The following CNTNAP5 variants were observed in gnomAD, a reference collection of about 807,000 sequenced individuals.
The protein encoded by CNTNAP5 is contactin associated protein family member 5.
In CNTNAP5, 72 loss-of-function variants were observed where a neutral mutation model predicts 150.2. That is an observed-to-expected ratio of 0.48 (90% confidence interval 0.40 to 0.58). The LOEUF (loss-of-function observed/expected upper bound fraction) is 0.58, where lower values mean the gene tolerates loss of function less well. CNTNAP5 is among the 20% of genes least tolerant of loss of function. The pLI, the probability that CNTNAP5 is intolerant of heterozygous loss-of-function variation, is 0.00. For synonymous variants in CNTNAP5, 672 were observed against 619.8 expected, an observed-to-expected ratio of 1.08 and a Z score of -1.25; for missense variants, 1,636 against 1,626.2, an observed-to-expected ratio of 1.01 and a Z score of -0.10.
chr2:124,614,012 A>G (rs1372848637), intron 12 of CNTNAP5, among the ~76,000 whole-genome samples: 2 of 152,186 alleles, frequency 1.3e-5, no homozygotes, highest in African/African-American at 2.4e-5. Flanking sequence ...ATGGATAAGG[A>G]AGTTAAAGAG....
At chr2:124,054,315 C>A (rs1018437607) in intron 1 of CNTNAP5, among the ~76,000 whole-genome samples, 2 of 152,050 alleles carry the variant, frequency 1.3e-5, no homozygotes, top group African/African-American at 4.8e-5. Context: ...ATGCTTATGG[C>A]TTTTAAAGGA....
At chr2:124,605,788 G>A (rs1296137882) in intron 11 of CNTNAP5, among the ~76,000 whole-genome samples, 2 of 126,204 alleles carry the variant, frequency 1.6e-5, no homozygotes, top group African/African-American at 3.1e-5. Flanking sequence ...TTCCAGCCTG[G>A]GTGACCGAGC....
chr2:124,165,525 G>T (rs957479289), intron 1 of CNTNAP5, among the ~76,000 whole-genome samples: 2 of 152,122 alleles, frequency 1.3e-5, no homozygotes, highest in African/African-American at 4.8e-5. Context: ...TTACCAGAAT[G>T]CCTGGCACGC....
At chr2:124,028,745 G>A (rs1680964054) in intron 1 of CNTNAP5, among the ~76,000 whole-genome samples, 1 of 152,064 alleles carries the variant, frequency 6.6e-6, no homozygotes, top group Admixed American at 6.5e-5. Context: ...GAAGAGCTGA[G>A]GAGTTCTAGC....
At chr2:124,605,050 G>A (rs1459351779) in intron 11 of CNTNAP5, among the ~76,000 whole-genome samples, 1 of 152,094 alleles carries the variant, frequency 6.6e-6, no homozygotes, top group Non-Finnish European at 1.5e-5. Context: ...GCAAGCAGAG[G>A]CCTGACAAGT....
intron 3 of CNTNAP5, among the ~76,000 whole-genome samples, chr2:124,332,454 A>C (rs942617557): frequency 6.6e-6 from 1 of 151,380 alleles, no homozygotes; most frequent in Non-Finnish European, 1.5e-5. Flanking sequence ...TACCTCATAG[A>C]ATAACATTTC....
intron 3 of CNTNAP5, among the ~76,000 whole-genome samples, chr2:124,297,180 A>C (rs993068724): frequency 1.3e-5 from 2 of 152,226 alleles, no homozygotes; most frequent in Non-Finnish European, 2.9e-5. Context: ...AATATTAAAA[A>C]GTCCTTTTGG....
At chr2:124,287,132 C>T (rs1235362724) in intron 3 of CNTNAP5, among the ~76,000 whole-genome samples, 4 of 152,188 alleles carry the variant, frequency 2.6e-5, no homozygotes, top group Admixed American at 2.0e-4. Flanking sequence ...GAAATAAAGA[C>T]ACAGCAATGT....
intron 16 of CNTNAP5, among the ~76,000 whole-genome samples, chr2:124,772,338 T>C (rs1406940514): frequency 6.6e-6 from 1 of 152,198 alleles, no homozygotes; most frequent in Non-Finnish European, 1.5e-5. Flanking sequence ...TCTGAGCTTT[T>C]TTCATTATGG....
chr2:124,134,139 A>G (rs546281152), intron 1 of CNTNAP5, among the ~76,000 whole-genome samples: 1 of 152,234 alleles, frequency 6.6e-6, no homozygotes, highest in South Asian at 2.1e-4. Flanking sequence ...ACTCATTTGT[A>G]AAGGCCAAAG....
intron 6 of CNTNAP5, among the ~76,000 whole-genome samples, chr2:124,451,055 T>A (rs375822984): frequency 0.015 from 627 of 42,800 alleles, 1 homozygote; most frequent in African/African-American, 0.031. Flanking sequence ...AAAAAAAATA[T>A]ATATATATAT....
chr2:124,363,844 T>C (rs966182524), intron 3 of CNTNAP5, among the ~76,000 whole-genome samples: 4 of 152,036 alleles, frequency 2.6e-5, no homozygotes, highest in African/African-American at 9.7e-5. Context: ...ATATGTGTAG[T>C]TCTGTGTGTA....
intron 6 of CNTNAP5, among the ~76,000 whole-genome samples, chr2:124,452,236 T>C (rs936203980): frequency 6.6e-6 from 1 of 152,066 alleles, no homozygotes; most frequent in African/African-American, 2.4e-5. Flanking sequence ...CCCTTTGTGT[T>C]GCGTGGGAGC....
intron 19 of CNTNAP5, among the ~76,000 whole-genome samples, chr2:124,802,977 T>C (rs1266883094): frequency 1.3e-5 from 2 of 151,840 alleles, no homozygotes; most frequent in East Asian, 3.9e-4. Flanking sequence ...TAGCCAGGCA[T>C]GGTGGCGGGT....
At position 124,380,908 on chromosome 2, in the gene CNTNAP5, A is replaced by G. The variant is rs77064235; in HGVS notation, c.382-36535A>G. Reference sequence around the variant, plus strand: ...TAGATAATGATATGTGTCACGCAAAAAAGTAAGCTACTAGTTAATATAATA... The same window carrying G: ...TAGATAATGATATGTGTCACGCAAAGAAGTAAGCTACTAGTTAATATAATA... On this transcript the variant is annotated intron_variant, in intron 3 of 23. Transcript: ENST00000682447. 7.5e-3 allele frequency among the ~76,000 whole-genome samples: 1,138 copies of G among 152,284 alleles called. 10 individuals are homozygous for G. The highest frequency in any genetic ancestry group is 0.034 in the East Asian group (178 of 5,168).
At chr2:124,550,558 A>G (rs1431112274) in intron 10 of CNTNAP5, among the ~76,000 whole-genome samples, 2 of 152,164 alleles carry the variant, frequency 1.3e-5, no homozygotes, top group East Asian at 1.9e-4. Context: ...CCGAGGTATC[A>G]TAATCATGAT....
chr2:124,874,395 CTTT>C (rs2104730755), intron 21 of CNTNAP5, among the ~76,000 whole-genome samples: 1 of 152,174 alleles, frequency 6.6e-6, no homozygotes, highest in South Asian at 2.1e-4. Context: ...ACATAGTGTG[CTTT>C]ATCACTGTTA....
chr2:124,341,907 G>A (rs1376677697), intron 3 of CNTNAP5, among the ~76,000 whole-genome samples: 4 of 152,052 alleles, frequency 2.6e-5, no homozygotes, highest in Non-Finnish European at 5.9e-5. Flanking sequence ...TCAGAAAACT[G>A]ATAATTTTAA....
intron 19 of CNTNAP5, among the ~76,000 whole-genome samples, chr2:124,813,439 A>T (rs1682283602): frequency 6.8e-6 from 1 of 146,810 alleles, no homozygotes; most frequent in Admixed American, 6.9e-5. Flanking sequence ...GAGCTAACTC[A>T]TCCATTCCCA....
Sources: allele counts gnomAD v4.1 joint callset (sites outside exome capture counted in the v4.1 genomes callset), GRCh38; gene constraint gnomAD v4.1.1; transcripts MANE v1.5; gene names NCBI Gene and HGNC (gene_info 2026-07-23, HGNC 2026-07-21).